The following AGTR1 variants were observed in gnomAD, a reference collection of about 807,000 sequenced individuals.
AGTR1 encodes the protein angiotensin II receptor type 1, also known as type-1 angiotensin II receptor.
A neutral mutation model predicts 19.4 loss-of-function variants in AGTR1; 16 were observed. The ratio of observed to expected loss-of-function variants is 0.82; its 90% CI spans 0.56 to 1.25. The LOEUF is 1.25. Ranked by LOEUF, AGTR1 falls within the 50% of genes most tolerant of loss-of-function variation. AGTR1 has a pLI of 0.00. For synonymous variants in AGTR1, 153 were observed against 154.9 expected (o/e 0.99, Z 0.09); for missense variants, 373 against 431.9 (o/e 0.86, Z 1.21).
intron 1 of AGTR1, among the ~76,000 whole-genome samples, chr3:148,699,890 T>C (rs1712222282): frequency 6.6e-6 from 1 of 152,170 alleles, no homozygotes; most frequent in African/African-American, 2.4e-5. Context: ...GACCTTAAAC[T>C]GAATCAACTC....
intron 1 of AGTR1, among the ~76,000 whole-genome samples, chr3:148,706,301 G>C (rs1341763935): frequency 6.6e-6 from 1 of 151,658 alleles, no homozygotes; most frequent in African/African-American, 2.4e-5. Flanking sequence ...ATCATTTTAT[G>C]GGAACTTTCT....
chr3:148,736,757 C>A (rs1559932278), intron 2 of AGTR1, among the ~76,000 whole-genome samples: 1 of 152,134 alleles, frequency 6.6e-6, no homozygotes, highest in Admixed American at 6.5e-5. Flanking sequence ...CTTCCTTTCT[C>A]TAAGGGGAAA....
Position 148,741,208 on chromosome 3 carries a change from A to C in AGTR1, c.173A>C (p.Lys58Thr), listed in dbSNP as rs765903933. ...GTGATAGTCATTTACTTTTATATGAAGCTGAAGACTGTGGCCAGTGTTTTT... is the reference window on the plus strand; with the variant it reads ...GTGATAGTCATTTACTTTTATATGACGCTGAAGACTGTGGCCAGTGTTTTT... The part of the protein sequence containing the change: ...LVVIVIYFYM[K>T]LKTVASVFLL... Residue 58 changes from lysine to threonine, a missense_variant, in exon 3 of 3, where the codon AAG becomes ACG. Transcript: ENST00000349243. 2 of 1,614,050 alleles carry C rather than the reference A, an allele frequency of 1.2e-6. No individual in the cohort carries two copies. The highest frequency in any genetic ancestry group is 2.7e-5 in the African/African-American group (2 of 74,924).
chr3:148,715,757 C>A (rs1177818529), intron 2 of AGTR1, among the ~76,000 whole-genome samples: 2 of 152,086 alleles, frequency 1.3e-5, no homozygotes, highest in East Asian at 3.9e-4. Flanking sequence ...TAAATGCTAT[C>A]ATTAGAAAGT....
intron 2 of AGTR1, among the ~76,000 whole-genome samples, chr3:148,731,665 A>G (rs1030632873): frequency 5.9e-5 from 9 of 152,212 alleles, no homozygotes; most frequent in Non-Finnish European, 1.2e-4. Flanking sequence ...ATATCTTGTA[A>G]TATTTAAAGG....
chr3:148,732,394 T>C (rs1483741998), intron 2 of AGTR1, among the ~76,000 whole-genome samples: 1 of 152,248 alleles, frequency 6.6e-6, no homozygotes, highest in African/African-American at 2.4e-5. Context: ...AAATATTTCT[T>C]TGAGTAATAG....
At chr3:148,706,467 T>C (rs1712672566) in intron 1 of AGTR1, among the ~76,000 whole-genome samples, 1 of 152,010 alleles carries the variant, frequency 6.6e-6, no homozygotes, top group Non-Finnish European at 1.5e-5. Flanking sequence ...AAATTTCTTA[T>C]TTAAAAAATC....
chr3:148,735,920 T>C (rs544340516), intron 2 of AGTR1, among the ~76,000 whole-genome samples: 60 of 152,354 alleles, frequency 3.9e-4, no homozygotes, highest in Middle Eastern at 6.8e-3. Flanking sequence ...CCTACTCTTT[T>C]TGATGCTTGA....
chr3:148,717,068 T>TG (rs1358369770), intron 2 of AGTR1, among the ~76,000 whole-genome samples: 1 of 152,142 alleles, frequency 6.6e-6, no homozygotes, highest in Non-Finnish European at 1.5e-5. Context: ...GGGAAACTGT[T>TG]GGGGGAGCAA....
intron 2 of AGTR1, among the ~76,000 whole-genome samples, chr3:148,730,743 G>A (rs144685275): frequency 6.6e-6 from 1 of 152,148 alleles, no homozygotes; most frequent in African/African-American, 2.4e-5. Context: ...CACCCACAGA[G>A]TTTCTGATTC....
intron 2 of AGTR1, among the ~76,000 whole-genome samples, chr3:148,715,814 T>G (rs997068120): frequency 2.0e-5 from 3 of 152,184 alleles, no homozygotes; most frequent in Admixed American, 1.3e-4. Flanking sequence ...AGTTTACCCT[T>G]GTATTCATAT....
intron 2 of AGTR1, among the ~76,000 whole-genome samples, chr3:148,709,010 G>T (rs1450962571): frequency 6.6e-6 from 1 of 152,140 alleles, no homozygotes. Flanking sequence ...CCACAGTGGT[G>T]GTGTTAGAAA....
At chr3:148,734,412 TTAA>T (rs1444968198) in intron 2 of AGTR1, among the ~76,000 whole-genome samples, 1 of 152,204 alleles carries the variant, frequency 6.6e-6, no homozygotes, top group Non-Finnish European at 1.5e-5. Context: ...ACATGCAGAA[TTAA>T]TAAAGCAGCT....
chr3:148,719,366 C>G (rs1713481133), intron 2 of AGTR1, among the ~76,000 whole-genome samples: 2 of 152,250 alleles, frequency 1.3e-5, no homozygotes, highest in South Asian at 2.1e-4. Flanking sequence ...CTCAATTCCT[C>G]TAAATAAGCA....
Position 148,732,392 on chromosome 3 carries a change from C to T in AGTR1, c.-47-8597C>T, listed in dbSNP as rs12721288. Among the ~76,000 whole-genome samples, 1,289 of 152,222 alleles carry T rather than the reference C, an allele frequency of 8.5e-3. 7 individuals are homozygous for T. Among genetic ancestry groups the T allele is most frequent in the Non-Finnish European group, 0.012 (802 of 68,000 alleles). ...ATCCAAATGTGCCTGGGAAATATTT[C>T]TTTGAGTAATAGTTAATTTTTTAAA... On this transcript the variant is annotated intron_variant, in intron 2 of 2. Transcript: ENST00000349243.
chr3:148,724,038 C>T (rs1014554174), intron 2 of AGTR1, among the ~76,000 whole-genome samples: 4 of 152,076 alleles, frequency 2.6e-5, no homozygotes, highest in Admixed American at 1.3e-4. Context: ...TTAGGTTCCA[C>T]AGTGTTGGGT....
chr3:148,722,638 C>A (rs1003923343), intron 2 of AGTR1, among the ~76,000 whole-genome samples: 2 of 152,124 alleles, frequency 1.3e-5, no homozygotes, highest in African/African-American at 4.8e-5. Context: ...TGCACTGATA[C>A]TCCACTCTAG....
At chr3:148,713,458 A>G (rs1713117307) in intron 2 of AGTR1, among the ~76,000 whole-genome samples, 2 of 152,164 alleles carry the variant, frequency 1.3e-5, no homozygotes, top group Admixed American at 1.3e-4. Flanking sequence ...CAATATGTAT[A>G]ATTAGTTTTA....
At chr3:148,722,804 T>G (rs1713721334) in intron 2 of AGTR1, among the ~76,000 whole-genome samples, 1 of 152,150 alleles carries the variant, frequency 6.6e-6, no homozygotes, top group Non-Finnish European at 1.5e-5. Flanking sequence ...TGAAATATTA[T>G]CTCTTCACAT....
Sources: gnomAD v4.1 joint callset for allele counts (sites outside exome capture counted in the v4.1 genomes callset) on GRCh38, gnomAD v4.1.1 for gene constraint, MANE v1.5 for transcripts, NCBI Gene and HGNC (gene_info 2026-07-23, HGNC 2026-07-21) for gene names.